WDPCP: variants seen among roughly 807,000 people sequenced by gnomAD.
WDPCP encodes WD repeat containing planar cell polarity effector.
A neutral mutation model predicts 93.1 loss-of-function variants in WDPCP; 71 were observed. The ratio of observed to expected loss-of-function variants is 0.76; its 90% CI spans 0.63 to 0.93. The LOEUF (loss-of-function observed/expected upper bound fraction) is 0.93, where lower values mean the gene tolerates loss of function less well. Ranked by LOEUF, WDPCP falls within the 40% of genes least tolerant of loss-of-function variation. WDPCP has a pLI of 0.00. For synonymous variants in WDPCP, 315 were observed against 315.0 expected (o/e 1.00, Z 0.00); for missense variants, 844 against 887.4 (o/e 0.95, Z 0.62).
intron 3 of WDPCP, among the ~76,000 whole-genome samples, chr2:63,601,209 A>C (rs938040470): frequency 1.3e-5 from 2 of 152,220 alleles, no homozygotes; most frequent in African/African-American, 2.4e-5. Context: ...GTCATTGAAG[A>C]AGCACTTTCT....
intron 6 of WDPCP, among the ~76,000 whole-genome samples, chr2:63,482,873 C>T (rs947310823): frequency 1.3e-5 from 2 of 151,750 alleles, no homozygotes; most frequent in East Asian, 1.9e-4. Flanking sequence ...CTATTAGAAA[C>T]GTTAAAAGCA....
chr2:63,747,628 C>T (rs1207887880), intron 2 of WDPCP, among the ~76,000 whole-genome samples: 2 of 151,892 alleles, frequency 1.3e-5, no homozygotes, highest in Non-Finnish European at 2.9e-5. Flanking sequence ...AATTCTGTTC[C>T]ATAGATCTAT....
chr2:63,351,111 A>C (rs1406058838), intron 12 of WDPCP, among the ~76,000 whole-genome samples: 3 of 151,914 alleles, frequency 2.0e-5, no homozygotes, highest in African/African-American at 7.3e-5. Context: ...CCTCTCAAGT[A>C]GCTGGGATTA....
intron 12 of WDPCP, among the ~76,000 whole-genome samples, chr2:63,329,471 A>C (rs563780378): frequency 6.6e-6 from 1 of 152,208 alleles, no homozygotes; most frequent in African/African-American, 2.4e-5. Context: ...GATGATATTA[A>C]TAGAACTTTG....
chr2:63,140,098 G>C (rs1468636870), intron 17 of WDPCP, among the ~76,000 whole-genome samples: 2 of 152,028 alleles, frequency 1.3e-5, no homozygotes, highest in South Asian at 4.2e-4. Context: ...GTTTTTGTTT[G>C]CTTTGTTGAA....
chr2:63,322,590 G>C (rs1470070626), intron 12 of WDPCP, among the ~76,000 whole-genome samples: 1 of 152,172 alleles, frequency 6.6e-6, no homozygotes, highest in East Asian at 1.9e-4. Flanking sequence ...CTTCACTCCT[G>C]AAGTCAGCGA....
chr2:63,537,156 T>C (rs1196130362), intron 1 of WDPCP, among the ~76,000 whole-genome samples: 1 of 152,222 alleles, frequency 6.6e-6, no homozygotes, highest in Non-Finnish European at 1.5e-5. Context: ...AACCACCTAG[T>C]TATCTTTAAC....
intron 12 of WDPCP, among the ~76,000 whole-genome samples, chr2:63,322,838 C>T (rs777559715): frequency 1.3e-4 from 20 of 152,150 alleles, no homozygotes; most frequent in East Asian, 7.7e-4. Context: ...TGAGTACCAT[C>T]GGACCCCTTT....
At chr2:63,477,375 T>C (rs1398367215) in intron 6 of WDPCP, among the ~76,000 whole-genome samples, 1 of 152,146 alleles carries the variant, frequency 6.6e-6, no homozygotes, top group Non-Finnish European at 1.5e-5. Flanking sequence ...AAACTAAAAC[T>C]ATATATCTCA....
intron 12 of WDPCP, among the ~76,000 whole-genome samples, chr2:63,377,414 A>C (rs1036328250): frequency 2.0e-5 from 3 of 151,560 alleles, no homozygotes; most frequent in African/African-American, 7.2e-5. Flanking sequence ...ATAACATGTC[A>C]TATATAAAAG....
chr2:63,653,578 A>G (rs1267586647), intron 2 of WDPCP, among the ~76,000 whole-genome samples: 1 of 152,230 alleles, frequency 6.6e-6, no homozygotes, highest in East Asian at 1.9e-4. Context: ...AAAAATATCC[A>G]GCACTCAGCA....
rs1260580112 is a variant in WDPCP at position 63,605,282 on chromosome 2, T to C, written n.488+45377A>G. 3.1e-6 allele frequency: 5 copies of C among 1,605,246 alleles called. No homozygotes were observed. In the African/African-American group the frequency reaches 6.7e-5, roughly 21 times the overall value. ...GCCTTCACCTGCCCCCTTCCCAGAC[T>C]GTGCAGCAGCGTGGCGCTGCTGTCA... On this transcript the variant is annotated intron_variant and non_coding_transcript_variant, in intron 3 of 4. Transcript: ENST00000467687.
chr2:63,478,495 C>T (rs1700089837), intron 6 of WDPCP, among the ~76,000 whole-genome samples: 1 of 152,108 alleles, frequency 6.6e-6, no homozygotes, highest in Admixed American at 6.6e-5. Context: ...AGTACTCTCT[C>T]AGACCACAGT....
At chr2:63,190,254 C>G (rs1043509355) in intron 14 of WDPCP, among the ~76,000 whole-genome samples, 1 of 151,598 alleles carries the variant, frequency 6.6e-6, no homozygotes, top group Admixed American at 6.6e-5. Context: ...ATGGCAAAAC[C>G]CCATCTCTTA....
At chr2:63,206,353 T>C (rs1324791598) in intron 14 of WDPCP, among the ~76,000 whole-genome samples, 1 of 152,222 alleles carries the variant, frequency 6.6e-6, no homozygotes, top group Non-Finnish European at 1.5e-5. Flanking sequence ...CTCGAATTAG[T>C]AACCAATTTC....
At chr2:63,585,052 T>C (rs1216736544) in intron 1 of WDPCP, among the ~76,000 whole-genome samples, 1 of 152,222 alleles carries the variant, frequency 6.6e-6, no homozygotes, top group Non-Finnish European at 1.5e-5. Flanking sequence ...TATTAAAATA[T>C]CCTGTATTTC....
chr2:63,260,177 T>C (rs765168905), intron 13 of WDPCP, among the ~76,000 whole-genome samples: 2 of 152,120 alleles, frequency 1.3e-5, no homozygotes, highest in Non-Finnish European at 2.9e-5. Flanking sequence ...AACACAACTC[T>C]CTCTGACAAT....
At chr2:63,761,884 T>G (rs1670060662) in intron 2 of WDPCP, among the ~76,000 whole-genome samples, 1 of 152,168 alleles carries the variant, frequency 6.6e-6, no homozygotes, top group Non-Finnish European at 1.5e-5. Flanking sequence ...GTTGTCCCCA[T>G]TACTGGTGGC....
At chr2:63,821,070 T>C (rs934833322) in intron 1 of WDPCP, among the ~76,000 whole-genome samples, 4 of 152,180 alleles carry the variant, frequency 2.6e-5, no homozygotes, top group African/African-American at 9.7e-5. Context: ...ATTCGACATG[T>C]GACTAGTAGG....
Sources: allele counts gnomAD v4.1 joint callset (sites outside exome capture counted in the v4.1 genomes callset), GRCh38; gene constraint gnomAD v4.1.1; transcripts MANE v1.5; gene names NCBI Gene and HGNC (gene_info 2026-07-23, HGNC 2026-07-21).